Variants in TIGAR observed in about 807,000 individuals in gnomAD.
TIGAR encodes the protein fructose-2,6-bisphosphatase TIGAR.
In TIGAR, 7 loss-of-function variants were observed where a neutral mutation model predicts 17.9. The ratio of observed to expected loss-of-function variants is 0.39; its 90% CI spans 0.22 to 0.73. TIGAR has a LOEUF of 0.73. TIGAR is among the 30% of genes least tolerant of loss of function. The pLI is 0.42. For missense variants in TIGAR, 258 were observed against 327.4 expected, an observed-to-expected ratio of 0.79 and a Z score of 1.64; for synonymous variants, 94 against 108.6, an observed-to-expected ratio of 0.87 and a Z score of 0.84.
intron 1 of TIGAR, among the ~76,000 whole-genome samples, chr12:4,330,820 A>G (rs1864595808): frequency 6.6e-6 from 1 of 152,198 alleles, no homozygotes; most frequent in South Asian, 2.1e-4. Context: ...AAGAGAAGGC[A>G]GGGGGTTCTG....
In TIGAR at chr12:4,321,231, A is replaced by C. The variant is rs990579701; in HGVS notation, c.-41A>C. 2 of 1,598,332 alleles carry C rather than the reference A, an allele frequency of 1.3e-6. No homozygotes were observed. The highest frequency in any genetic ancestry group is 2.7e-5 in the African/African-American group (2 of 74,030). On this transcript the variant is annotated 5_prime_UTR_variant, in exon 1 of 6. Transcript: ENST00000179259. The surrounding 1 kb of genome is among the most constrained non-coding windows in gnomAD (Gnocchi z 5.2). ...GGGAGGTAGCCCGCAGTGCAGGGGC[A>C]GCGCGGCGCGGGGCCACCGACGGGA...
chr12:4,343,835 C>T (rs1304109068), intron 3 of TIGAR, among the ~76,000 whole-genome samples: 1 of 152,092 alleles, frequency 6.6e-6, no homozygotes, highest in Admixed American at 6.5e-5. Flanking sequence ...GAAGCAAGAG[C>T]AAACAAATTC....
At chr12:4,334,856 G>A (rs1864641539) in intron 2 of TIGAR, among the ~76,000 whole-genome samples, 1 of 152,086 alleles carries the variant, frequency 6.6e-6, no homozygotes, top group African/African-American at 2.4e-5. Flanking sequence ...GTGTTCCATG[G>A]TAGGAAATAT....
intron 4 of TIGAR, among the ~76,000 whole-genome samples, chr12:4,350,395 C>T (rs1864825363): frequency 6.6e-6 from 1 of 152,168 alleles, no homozygotes; most frequent in African/African-American, 2.4e-5. Context: ...TTTATAGTCC[C>T]ATGAATGACC....
intron 3 of TIGAR, among the ~76,000 whole-genome samples, chr12:4,338,181 C>T (rs1355491844): frequency 6.6e-6 from 1 of 152,070 alleles, no homozygotes; most frequent in African/African-American, 2.4e-5. Context: ...CTAAAAACTC[C>T]ATGGAAGGAG....
rs1314808067 is a variant in TIGAR, at chr12:4,350,040, C to T, written c.270+144C>T. The T allele has an allele frequency of 3.2e-5, 19 of 592,638 alleles. No homozygotes were observed. In the Admixed American group the frequency reaches 6.8e-4, roughly 21 times the overall value. The allele number at this position is 592,638 out of a possible 1,614,324, so 36.7% of individuals were successfully genotyped here. A position where few individuals can be genotyped will look rare whatever the true frequency, so the allele number is the denominator to read the frequency against. Reference sequence around the variant, plus strand: ...TTAAGAATCTACCATATGACAGTCACTGTTACATACCCTCGTATATAGGAT... The same window carrying T: ...TTAAGAATCTACCATATGACAGTCATTGTTACATACCCTCGTATATAGGAT... On this transcript the variant is annotated intron_variant, in intron 4 of 5. Transcript: ENST00000179259.
At position 4,321,302 on chromosome 12, in the gene TIGAR, C is replaced by T. The variant is rs1439395699; in HGVS notation, c.31C>T (p.His11Tyr). 6.2e-7 allele frequency: 1 copy of T among 1,601,364 alleles called. No homozygotes were observed. ...TCGCTTCGCTCTGACTGTTGTCCGG[C>T]AGTGAGTATGGCTGTGGCAGGATGT... MARFALTVVR[H>Y]GETRFNKEKI... The change falls in exon 1 of 6, where the codon CAT becomes TAT. Residue 11 changes from histidine to tyrosine, a missense_variant and splice_region_variant. Physicochemically the swap from His to Tyr is moderately conservative, Grantham distance 83 (BLOSUM62 2). Coordinates refer to ENST00000179259, the MANE Select transcript of TIGAR (RefSeq NM_020375.3). This position sits in a 1 kb window ranked among gnomAD's most constrained non-coding sequence, Gnocchi z 5.2.
Position 4,321,347 on chromosome 12 carries a change from G to A in TIGAR, c.32+44G>A, listed in dbSNP as rs768843335. 7 of 1,598,954 alleles carry A rather than the reference G, an allele frequency of 4.4e-6. No individual in the cohort carries two copies. The African/African-American group carries it at 8.0e-5, about 18-fold the overall frequency. On this transcript the variant is annotated intron_variant, in intron 1 of 5. Transcript: ENST00000179259. The surrounding 1 kb of genome is among the most constrained non-coding windows in gnomAD (Gnocchi z 5.2). ...GGATGTCTTTCTCTCTCTCTTCCTTGAGTGTGTTGGAGCGGGTGAAGGGAA... is the reference window on the plus strand; with the variant it reads ...GGATGTCTTTCTCTCTCTCTTCCTTAAGTGTGTTGGAGCGGGTGAAGGGAA...
In TIGAR at chr12:4,352,752, A is replaced by C; in HGVS notation, c.*61A>C. The C allele has an allele frequency of 6.7e-7, 1 of 1,488,044 alleles. No individual in the cohort carries two copies. Among genetic ancestry groups the C allele is most frequent in the Non-Finnish European group, 9.0e-7 (1 of 1,109,388 alleles). The allele number at this position is 1,488,044 out of a possible 1,614,324, so 92.2% of individuals were successfully genotyped here. On this transcript the variant is annotated 3_prime_UTR_variant, in exon 6 of 6. Coordinates refer to ENST00000179259, the MANE Select transcript of TIGAR (RefSeq NM_020375.3). Reference sequence around the variant, plus strand: ...CTCTGAAGGGAGTGCCATTGGCTTTATTTACTTCTCTCCTCTGCTAGTTCT... The same window carrying C: ...CTCTGAAGGGAGTGCCATTGGCTTTCTTTACTTCTCTCCTCTGCTAGTTCT...
rs138294134 is a variant in TIGAR at position 4,357,598 on chromosome 12, G to A, written c.*4907G>A. Among the ~76,000 whole-genome samples the A allele has an allele frequency of 4.0e-4, 61 of 152,288 alleles. 1 individual carries two copies. The highest frequency in any genetic ancestry group is 1.4e-3 in the African/African-American group (59 of 41,554). On this transcript the variant is annotated 3_prime_UTR_variant, in exon 6 of 6. Coordinates refer to ENST00000179259, the MANE Select transcript of TIGAR (RefSeq NM_020375.3). Reference sequence around the variant, plus strand: ...CTTTGTGTCCAAACAAGATGGCTAAGTAGGTCGTCATGACAGGTAACTACC... The same window carrying A: ...CTTTGTGTCCAAACAAGATGGCTAAATAGGTCGTCATGACAGGTAACTACC...
At chr12:4,348,483 C>T (rs560472187) in intron 3 of TIGAR, among the ~76,000 whole-genome samples, 1 of 152,232 alleles carries the variant, frequency 6.6e-6, no homozygotes, top group East Asian at 1.9e-4. Flanking sequence ...CTTTATTGTG[C>T]TGAGAAATAA....
At chr12:4,349,647 G>T (rs1043303419) in intron 3 of TIGAR, among the ~76,000 whole-genome samples, 172 bp from the exon 4 acceptor site, 1 of 152,168 alleles carries the variant, frequency 6.6e-6, no homozygotes, top group African/African-American at 2.4e-5. Context: ...TCGATCTCCT[G>T]ACCTCATGAT....
rs1864947692 is a variant in TIGAR at position 4,359,164 on chromosome 12, T to C, written c.*6473T>C. The stretch of plus-strand genomic sequence containing the variant: ...ACTCTACTTTTGCTTCTATGTTTAT[T>C]AGTTGGCATTCTGTACTAAGACAGC... On this transcript the variant is annotated 3_prime_UTR_variant, in exon 6 of 6. Coordinates refer to ENST00000179259, the MANE Select transcript of TIGAR (RefSeq NM_020375.3). Among the ~76,000 whole-genome samples the C allele has an allele frequency of 6.6e-6, 1 of 152,130 alleles. No homozygotes were observed. The highest frequency in any genetic ancestry group is 1.5e-5 in the Non-Finnish European group (1 of 68,018).
chr12:4,326,581 C>T (rs1864548765), intron 1 of TIGAR, among the ~76,000 whole-genome samples: 1 of 152,158 alleles, frequency 6.6e-6, no homozygotes, highest in African/African-American at 2.4e-5. Context: ...TCTACAGCAG[C>T]CTCTGTTGAT....
Position 4,349,824 on chromosome 12 carries a change from G to T in TIGAR, c.198G>T (p.Met66Ile), listed in dbSNP as rs1221365316. The T allele has an allele frequency of 2.5e-6, 4 of 1,582,220 alleles. No individual in the cohort carries two copies. The highest frequency in any genetic ancestry group is 4.7e-5 in the East Asian group (2 of 42,554). Reference sequence around the variant, plus strand: ...ACAATTGTCTTGATTTTCAGACCATGCATGGAATTTTGGAGAGAAGCAAAT... The same window carrying T: ...ACAATTGTCTTGATTTTCAGACCATTCATGGAATTTTGGAGAGAAGCAAAT... ...SSDLMRTKQT[M>I]HGILERSKFC... Residue 66 changes from methionine (M) to isoleucine (I), a missense_variant, in exon 4 of 6, where the codon ATG becomes ATT. Physicochemically the swap from Met to Ile is conservative, Grantham distance 10. Transcript: ENST00000179259.
rs966812410 is a variant in TIGAR, at chr12:4,359,156, A to G, written c.*6465A>G. On this transcript the variant is annotated 3_prime_UTR_variant, in exon 6 of 6. Transcript: ENST00000179259. Reference sequence around the variant, plus strand: ...ACGCCATGACTCTACTTTTGCTTCTATGTTTATTAGTTGGCATTCTGTACT... The same window carrying G: ...ACGCCATGACTCTACTTTTGCTTCTGTGTTTATTAGTTGGCATTCTGTACT... Among the ~76,000 whole-genome samples the G allele has an allele frequency of 1.3e-4, 19 of 147,168 alleles. No individual in the cohort carries two copies. The highest frequency in any genetic ancestry group is 4.5e-4 in the African/African-American group (18 of 39,748).
In TIGAR at chr12:4,340,178, C is replaced by CA. The variant is rs1003809259; in HGVS notation, c.192+3024dup. ...ATTTGGAAAAACCTGAAAACCCCAC[C>CA]AAAAAACAATTAGAACTGATACATT... On this transcript the variant is annotated intron_variant, in intron 3 of 5. Coordinates refer to ENST00000179259, the MANE Select transcript of TIGAR (RefSeq NM_020375.3). Among the ~76,000 whole-genome samples the CA allele has an allele frequency of 1.4e-4, 21 of 152,216 alleles. No homozygotes were observed. In the East Asian group the frequency reaches 3.7e-3, roughly 27 times the overall value.
chr12:4,343,433 C>A (rs1444127211), intron 3 of TIGAR, among the ~76,000 whole-genome samples: 2 of 152,210 alleles, frequency 1.3e-5, no homozygotes, highest in Non-Finnish European at 2.9e-5. Flanking sequence ...AATATACATT[C>A]TTCTCAGCAC....
chr12:4,358,830 T>G lies in TIGAR; in HGVS notation c.*6139T>G, dbSNP rs536018137. Among the ~76,000 whole-genome samples the G allele has an allele frequency of 1.1e-4, 16 of 152,242 alleles. 1 individual carries two copies. Among genetic ancestry groups the G allele is most frequent in the Admixed American group, 8.5e-4 (13 of 15,288 alleles). ...TGTCCTTCCGTCTACTCCTTTGCCT[T>G]CCTTTGCCCTTCTTTTTTTCTCCCA... On this transcript the variant is annotated 3_prime_UTR_variant, in exon 6 of 6. Transcript: ENST00000179259.
Sources: allele counts gnomAD v4.1 joint callset (sites outside exome capture counted in the v4.1 genomes callset), GRCh38; gene constraint gnomAD v4.1.1; non-coding constraint Gnocchi (gnomAD v3.1); transcripts MANE v1.5; gene names NCBI Gene and HGNC (gene_info 2026-07-23, HGNC 2026-07-21).